The following COPG2 variants were observed in gnomAD, a reference collection of about 807,000 sequenced individuals.
The protein encoded by COPG2 is coat protein complex I subunit gamma 2, also known as coatomer subunit gamma-2.
Under a neutral mutation model 46.3 loss-of-function variants are expected in COPG2, and 37 were observed. The observed-to-expected ratio is 0.80, with a 90% CI of 0.61 to 1.05. COPG2 has a LOEUF of 1.05. Ranked by LOEUF, COPG2 falls within the 50% of genes least tolerant of loss-of-function variation. The pLI is 0.00. For missense variants in COPG2, 427 were observed against 387.8 expected (o/e 1.10, Z -0.85); for synonymous variants, 159 against 129.7 (o/e 1.23, Z -1.53).
At chr7:130,600,470 C>T (rs571527387) in intron 9 of COPG2, among the ~76,000 whole-genome samples, 2 of 152,078 alleles carry the variant, frequency 1.3e-5, no homozygotes, top group East Asian at 1.9e-4. Context: ...TCCATGTTGC[C>T]CAGGCTGGTC....
At chr7:130,629,602 G>T (rs1422094556) in intron 5 of COPG2, among the ~76,000 whole-genome samples, 2 of 151,910 alleles carry the variant, frequency 1.3e-5, no homozygotes, top group African/African-American at 4.8e-5. Flanking sequence ...TGCCAAGTTG[G>T]CCAGGCTGGT....
At chr7:130,544,685 T>C (rs1433785916) in intron 20 of COPG2, among the ~76,000 whole-genome samples, 1 of 152,162 alleles carries the variant, frequency 6.6e-6, no homozygotes, top group Non-Finnish European at 1.5e-5. Context: ...ATAATATATA[T>C]TGTTACGGGT....
chr7:130,523,905 G>A (rs1308118333), intron 20 of COPG2, among the ~76,000 whole-genome samples: 1 of 151,990 alleles, frequency 6.6e-6, no homozygotes, highest in Non-Finnish European at 1.5e-5. Flanking sequence ...CGGAGGAGCC[G>A]GGTCTCAGGC....
At chr7:130,599,712 A>G (rs1403231995) in intron 9 of COPG2, among the ~76,000 whole-genome samples, 5 of 152,118 alleles carry the variant, frequency 3.3e-5, no homozygotes, top group African/African-American at 1.2e-4. Flanking sequence ...GCAAAACTAA[A>G]CTTTACTGTT....
chr7:130,561,993 T>C (rs1206728452), intron 11 of COPG2, among the ~76,000 whole-genome samples: 2 of 152,166 alleles, frequency 1.3e-5, no homozygotes, highest in Non-Finnish European at 1.5e-5. Flanking sequence ...AAAATTTAAC[T>C]AAAAGCAAAT....
rs1271772383 is a variant in COPG2, at chr7:130,561,122, T to C, written c.1039A>G (p.Thr347Ala). 5.0e-6 allele frequency: 2 copies of C among 398,432 alleles called. No homozygotes were observed. The highest frequency in any genetic ancestry group is 2.1e-5 in the African/African-American group (1 of 48,600). The allele number at this position is 398,432 out of a possible 1,614,324, so 24.7% of individuals were successfully genotyped here. A position where few individuals can be genotyped will look rare whatever the true frequency, so the allele number is the denominator to read the frequency against. Residue 347 changes from threonine (T) to alanine (A), a missense_variant, in exon 12 of 24, where the codon ACA becomes GCA. Thr to Ala is a moderately conservative substitution (Grantham distance 58, BLOSUM62 0). Coordinates refer to ENST00000425248, the MANE Select transcript of COPG2 (RefSeq NM_012133.6). ...CTCTCACTTCCTGTTTTGAGGAGTG[T>C]AGTAATGGCTAAGGTAGCAATGCTT... The part of the protein sequence containing the change: ...NRSIATLAIT[T>A]LLKTGSESSV...
At chr7:130,572,681 C>T (rs1793930023) in intron 9 of COPG2, among the ~76,000 whole-genome samples, 4 of 151,700 alleles carry the variant, frequency 2.6e-5, no homozygotes. Context: ...AATGAAAACA[C>T]AACAAATCAA....
At chr7:130,601,343 A>G (rs1308656195) in intron 9 of COPG2, among the ~76,000 whole-genome samples, 1 of 152,178 alleles carries the variant, frequency 6.6e-6, no homozygotes, top group East Asian at 1.9e-4. Context: ...AAATCATTCT[A>G]CTCTAAAGAC....
At chr7:130,530,217 G>A (rs1799810999) in intron 20 of COPG2, among the ~76,000 whole-genome samples, 1 of 152,148 alleles carries the variant, frequency 6.6e-6, no homozygotes, top group African/African-American at 2.4e-5. Flanking sequence ...ATCCAGATGG[G>A]CTTGATGGGG....
intron 20 of COPG2, among the ~76,000 whole-genome samples, chr7:130,528,172 G>A (rs986118142): frequency 3.6e-4 from 55 of 152,066 alleles, no homozygotes; most frequent in Admixed American, 1.4e-3. Flanking sequence ...GACTGGGTGC[G>A]TTTGTACCCG....
At chr7:130,634,762 G>A (rs1795302925) in intron 5 of COPG2, among the ~76,000 whole-genome samples, 1 of 152,102 alleles carries the variant, frequency 6.6e-6, no homozygotes. Context: ...TAGGAGTGGT[G>A]AGAGAGGGCA....
At chr7:130,621,601 G>A (rs1233378166) in intron 5 of COPG2, among the ~76,000 whole-genome samples, 1 of 152,076 alleles carries the variant, frequency 6.6e-6, no homozygotes, top group African/African-American at 2.4e-5. Context: ...TTGAGGTCAG[G>A]GGTTCAAGAC....
At chr7:130,510,451 A>G (rs1453489713) in intron 20 of COPG2, among the ~76,000 whole-genome samples, 1 of 152,172 alleles carries the variant, frequency 6.6e-6, no homozygotes, top group Non-Finnish European at 1.5e-5. Flanking sequence ...TGGTAGGGGA[A>G]AAGGTCATGA....
intron 9 of COPG2, among the ~76,000 whole-genome samples, chr7:130,579,781 A>G (rs1794096290): frequency 6.6e-6 from 1 of 152,046 alleles, no homozygotes; most frequent in South Asian, 2.1e-4. Flanking sequence ...GATCAATTCA[A>G]CAAGAAGAGC....
chr7:130,603,197 A>G (rs1794669497), intron 9 of COPG2, among the ~76,000 whole-genome samples: 1 of 152,216 alleles, frequency 6.6e-6, no homozygotes, highest in African/African-American at 2.4e-5. Context: ...GATAATCACT[A>G]TACTAACTTT....
intron 9 of COPG2, among the ~76,000 whole-genome samples, chr7:130,571,062 A>G (rs1326313490): frequency 1.2e-4 from 18 of 152,238 alleles, no homozygotes; most frequent in African/African-American, 3.9e-4. Flanking sequence ...AGATGGATCA[A>G]AGACTTAAAT....
In COPG2 at chr7:130,613,613, T is replaced by C; in HGVS notation, c.423A>G (p.Glu141=). Residue 141 remains glutamate (E), a synonymous_variant, in exon 7 of 24, where the codon GAA becomes GAG. Transcript: ENST00000425248. Reference sequence around the variant, plus strand: ...CCACAATGGCCTGCTTCATGTATCTTTCAATGGCTTGCAACATTGTTCCCT... The same window carrying C: ...CCACAATGGCCTGCTTCATGTATCTCTCAATGGCTTGCAACATTGTTCCCT... ...ITDGTMLQAI[E]RYMKQAIVDK... is the part of the protein sequence containing the mutation. The C allele has an allele frequency of 6.2e-7, 1 of 1,600,174 alleles. No homozygotes were observed. The highest frequency in any genetic ancestry group is 8.5e-7 in the Non-Finnish European group (1 of 1,172,284).
intron 9 of COPG2, among the ~76,000 whole-genome samples, chr7:130,582,506 TTAAAC>T (rs1433166981): frequency 1.3e-5 from 2 of 150,022 alleles, no homozygotes; most frequent in African/African-American, 4.9e-5. Context: ...TGGGATCTAA[TTAAAC>T]TAAAGAGCTT....
chr7:130,615,189 A>C (rs1270264194), intron 6 of COPG2, among the ~76,000 whole-genome samples: 3 of 152,242 alleles, frequency 2.0e-5, no homozygotes, highest in Non-Finnish European at 4.4e-5. Context: ...TGTCACATTA[A>C]ATCAAACTCA....
Sources: allele counts gnomAD v4.1 joint callset (sites outside exome capture counted in the v4.1 genomes callset), GRCh38; gene constraint gnomAD v4.1.1; transcripts MANE v1.5; gene names NCBI Gene and HGNC (gene_info 2026-07-23, HGNC 2026-07-21).